KLHL1: variants seen among roughly 807,000 people sequenced by gnomAD.
The protein encoded by KLHL1 is kelch-like protein 1.
KLHL1 carries 47 observed loss-of-function variants against 77.7 expected under a neutral mutation model. That is an observed-to-expected ratio of 0.60 (90% CI 0.48 to 0.77). The LOEUF (loss-of-function observed/expected upper bound fraction) is 0.77. KLHL1 is among the 30% of genes least tolerant of loss of function. KLHL1 has a pLI of 0.00. For synonymous variants in KLHL1, 360 were observed against 325.2 expected, an observed-to-expected ratio of 1.11 and a Z score of -1.15; for missense variants, 925 against 910.8, an observed-to-expected ratio of 1.02 and a Z score of -0.20.
chr13:70,044,104 A>T (rs1446888787), intron 1 of KLHL1, among the ~76,000 whole-genome samples: 1 of 152,172 alleles, frequency 6.6e-6, no homozygotes, highest in East Asian at 1.9e-4. Context: ...ATTATGATCC[A>T]TAGAGCCCTA....
intron 2 of KLHL1, among the ~76,000 whole-genome samples, chr13:69,975,239 G>A (rs1297591205): frequency 6.6e-6 from 1 of 152,004 alleles, no homozygotes; most frequent in Non-Finnish European, 1.5e-5. Flanking sequence ...TGATGGAATA[G>A]CATATTTCAT....
intron 1 of KLHL1, among the ~76,000 whole-genome samples, chr13:69,985,981 C>G (rs953894800): frequency 6.7e-6 from 1 of 150,062 alleles, no homozygotes; most frequent in Non-Finnish European, 1.5e-5. Context: ...TTGCAAATGA[C>G]AGAATTTCAT....
chr13:69,878,904 T>C (rs1880873643), intron 5 of KLHL1, among the ~76,000 whole-genome samples: 1 of 152,154 alleles, frequency 6.6e-6, no homozygotes, highest in African/African-American at 2.4e-5. Context: ...ATACACACCA[T>C]GGAATACTAT....
intron 4 of KLHL1, among the ~76,000 whole-genome samples, chr13:69,902,577 C>CA (rs1010190139): frequency 9.2e-5 from 14 of 152,036 alleles, no homozygotes; most frequent in African/African-American, 2.7e-4. Context: ...CATGCAACTA[C>CA]AAAAAATGAT....
At chr13:69,790,536 C>A (rs979675114) in intron 7 of KLHL1, among the ~76,000 whole-genome samples, 1 of 152,028 alleles carries the variant, frequency 6.6e-6, no homozygotes, top group Non-Finnish European at 1.5e-5. Context: ...GATGTGAAAT[C>A]TTCCACAAAA....
chr13:70,008,125 A>G (rs747076593), intron 1 of KLHL1, among the ~76,000 whole-genome samples: 5 of 151,984 alleles, frequency 3.3e-5, no homozygotes, highest in Non-Finnish European at 7.4e-5. Context: ...CAATTTCTAA[A>G]TCTTTTAGAG....
intron 4 of KLHL1, among the ~76,000 whole-genome samples, chr13:69,908,751 C>A (rs540747035): frequency 2.0e-4 from 30 of 151,168 alleles, no homozygotes; most frequent in African/African-American, 6.8e-4. Flanking sequence ...ATTTTTGTCT[C>A]CTTTGATAAA....
intron 5 of KLHL1, among the ~76,000 whole-genome samples, chr13:69,845,436 T>C (rs2138121578): frequency 6.6e-6 from 1 of 151,734 alleles, no homozygotes. Context: ...ATTTTAGTGT[T>C]ACAAAAATAT....
intron 1 of KLHL1, among the ~76,000 whole-genome samples, chr13:70,025,865 C>T (rs570438898): frequency 1.9e-4 from 29 of 152,116 alleles, no homozygotes; most frequent in African/African-American, 7.0e-4. Context: ...GACTGCTCAG[C>T]TGTTAAAATA....
At chr13:70,054,298 T>A (rs1169674346) in intron 1 of KLHL1, among the ~76,000 whole-genome samples, 1 of 152,056 alleles carries the variant, frequency 6.6e-6, no homozygotes, top group Non-Finnish European at 1.5e-5. Flanking sequence ...CAAATCGAAT[T>A]TTTACAGATT....
intron 6 of KLHL1, among the ~76,000 whole-genome samples, chr13:69,837,574 T>C (rs1372951236): frequency 2.0e-5 from 3 of 148,798 alleles, no homozygotes; most frequent in Non-Finnish European, 4.5e-5. Context: ...TATGTATAGA[T>C]ATATAGTTAT....
chr13:69,821,038 T>C (rs2138077789), intron 6 of KLHL1, among the ~76,000 whole-genome samples: 1 of 152,242 alleles, frequency 6.6e-6, no homozygotes, highest in Non-Finnish European at 1.5e-5. Flanking sequence ...AGACAACAGG[T>C]AAACAAATAG....
intron 7 of KLHL1, among the ~76,000 whole-genome samples, chr13:69,779,578 T>C (rs1029045220): frequency 1.3e-5 from 2 of 151,988 alleles, no homozygotes; most frequent in African/African-American, 4.8e-5. Flanking sequence ...TCTATATTTC[T>C]AACAGAAACT....
rs150163266 is a variant in KLHL1, at chr13:69,994,328, C to T, written c.498-18526G>A. On this transcript the variant is annotated intron_variant, in intron 1 of 10. Transcript: ENST00000377844. ...CATGAACAAAGCCAAGAAACTTGAA[C>T]TCTTTCCTTAAGCCTTCTTTGATTG... is the stretch of plus-strand genomic sequence containing the variant. Among the ~76,000 whole-genome samples, 546 of 152,204 alleles carry T rather than the reference C, an allele frequency of 3.6e-3. 5 individuals carry two copies. The highest frequency in any genetic ancestry group is 0.013 in the African/African-American group (527 of 41,546).
intron 5 of KLHL1, among the ~76,000 whole-genome samples, chr13:69,870,449 G>A (rs984866199): frequency 2.0e-5 from 3 of 151,742 alleles, no homozygotes; most frequent in Non-Finnish European, 4.4e-5. Flanking sequence ...GAGTTTTTGG[G>A]GGACAAACAT....
Position 69,855,302 on chromosome 13 carries a change from A to AGAT in KLHL1, c.1228-16143_1228-16141dup, listed in dbSNP as rs200344764. 6.1e-3 allele frequency among the ~76,000 whole-genome samples: 579 copies of AGAT among 95,022 alleles called. 3 individuals carry two copies. The highest frequency in any genetic ancestry group is 0.028 in the African/African-American group (550 of 19,464). The allele number at this position is 95,022 out of a possible 152,430, so 62.3% of individuals were successfully genotyped here. A position where few individuals can be genotyped will look rare whatever the true frequency, so the allele number is the denominator to read the frequency against. ...TCGTACTAATTTTAGATAGATAGAT[A>AGAT]GATAGATAGATAGATAGATAGATAG... is the stretch of plus-strand genomic sequence containing the variant. On this transcript the variant is annotated intron_variant, in intron 5 of 10. Transcript: ENST00000377844.
intron 1 of KLHL1, among the ~76,000 whole-genome samples, chr13:69,995,204 A>G (rs1039198714): frequency 6.6e-6 from 1 of 152,156 alleles, no homozygotes; most frequent in African/African-American, 2.4e-5. Flanking sequence ...CCCAAGGCCT[A>G]CACTATTATT....
chr13:69,747,566 T>G (rs991225542), intron 7 of KLHL1, among the ~76,000 whole-genome samples: 8 of 151,970 alleles, frequency 5.3e-5, no homozygotes, highest in Non-Finnish European at 1.0e-4. Context: ...GTCTTCATAC[T>G]CAAGCCTCAG....
intron 1 of KLHL1, among the ~76,000 whole-genome samples, chr13:70,068,484 AGTGGCAC>A (rs1404092589): frequency 6.6e-5 from 9 of 136,166 alleles, no homozygotes; most frequent in Admixed American, 5.0e-4. Context: ...TTTCTTATAC[AGTGGCAC>A]ATATTTGAGT....
Sources: gnomAD v4.1 joint callset for allele counts (sites outside exome capture counted in the v4.1 genomes callset) on GRCh38, gnomAD v4.1.1 for gene constraint, MANE v1.5 for transcripts, NCBI Gene and HGNC (gene_info 2026-07-23, HGNC 2026-07-21) for gene names.